The following DNAH11 variants were observed in gnomAD, a reference collection of about 807,000 sequenced individuals.
The protein encoded by DNAH11 is axonemal beta dynein heavy chain 11.
Under a neutral mutation model 526.0 loss-of-function variants are expected in DNAH11, and 442 were observed. The ratio of observed to expected loss-of-function variants is 0.84; its 90% CI spans 0.78 to 0.91. DNAH11 has a LOEUF of 0.91. Among genes scored for constraint, DNAH11 ranks in the 40% least tolerant of loss-of-function variants. The probability of loss-of-function intolerance (pLI) is 0.00; values close to 1 mark genes in which losing one functional copy is unlikely to be tolerated. For missense variants in DNAH11, 6,989 were observed against 5,448.7 expected (o/e 1.28, Z -8.90); for synonymous variants, 2,461 against 1,935.9 (o/e 1.27, Z -7.12).
At chr7:21,846,787 C>A (rs1299557466) in intron 66 of DNAH11, among the ~76,000 whole-genome samples, 1 of 152,096 alleles carries the variant, frequency 6.6e-6, no homozygotes, top group Non-Finnish European at 1.5e-5. Flanking sequence ...AGAATTGATA[C>A]TATTTCTCCC....
rs539706517 is a variant in DNAH11 at position 21,868,388 on chromosome 7, C to T, written c.11839+381C>T. Among the ~76,000 whole-genome samples the T allele has an allele frequency of 1.1e-4, 16 of 152,262 alleles. No individual in the cohort carries two copies. In the East Asian group the frequency reaches 2.7e-3, roughly 26 times the overall value. On this transcript the variant is annotated intron_variant, in intron 72 of 81. Transcript: ENST00000409508. ...TTGTGTTCTGGATTACCATTCCCCA[C>T]GGCCTGCACCAAGAATACCAGGTTA...
chr7:21,656,131 T>G (rs1301024187), intron 29 of DNAH11, 150 bp downstream of exon 29: 1 of 866,142 alleles, frequency 1.2e-6, no homozygotes, highest in Non-Finnish European at 1.6e-6. Flanking sequence ...CTGTATCCAC[T>G]GTGACAGAGG....
intron 61 of DNAH11, among the ~76,000 whole-genome samples, chr7:21,796,245 C>T (rs1380954061): frequency 6.6e-6 from 1 of 152,188 alleles, no homozygotes; most frequent in Non-Finnish European, 1.5e-5. Context: ...AACGTAGATT[C>T]AGTGGGCCCT....
At chr7:21,584,858 A>G (rs997608293) in intron 9 of DNAH11, among the ~76,000 whole-genome samples, 3 of 152,058 alleles carry the variant, frequency 2.0e-5, no homozygotes, top group Admixed American at 6.6e-5. Flanking sequence ...CCTTTATAAC[A>G]GAATTCAAGT....
chr7:21,824,993 T>C (rs1024558305), intron 65 of DNAH11, among the ~76,000 whole-genome samples: 2 of 152,124 alleles, frequency 1.3e-5, no homozygotes, highest in Non-Finnish European at 2.9e-5. Flanking sequence ...TGCCTCAGCC[T>C]CCCGAGTAGC....
At chr7:21,628,554 G>A (rs992495658) in intron 25 of DNAH11, among the ~76,000 whole-genome samples, 2 of 151,988 alleles carry the variant, frequency 1.3e-5, no homozygotes, top group African/African-American at 4.8e-5. Flanking sequence ...TAATCATATG[G>A]TTTTTCTTCT....
chr7:21,744,406 T>C (rs536299412), intron 49 of DNAH11, 32 bp from the exon 50 acceptor site: 2 of 1,606,106 alleles, frequency 1.2e-6, no homozygotes, highest in East Asian at 2.2e-5. Context: ...AGCCTCTGAA[T>C]TAAAGGTATT....
At chr7:21,564,062 G>C in intron 5 of DNAH11, 124 bp from the exon 6 acceptor site, 1 of 603,904 alleles carries the variant, frequency 1.7e-6, no homozygotes. Context: ...AATATAAAAG[G>C]AACTATGACA....
At chr7:21,872,472 T>C (rs1323826161) in intron 73 of DNAH11, among the ~76,000 whole-genome samples, 1 of 152,160 alleles carries the variant, frequency 6.6e-6, no homozygotes, top group Non-Finnish European at 1.5e-5. Flanking sequence ...TGGAAATAAT[T>C]ATATATATCT....
At chr7:21,767,461 TCTG>T (rs1336148134) in intron 55 of DNAH11, among the ~76,000 whole-genome samples, 2 of 152,192 alleles carry the variant, frequency 1.3e-5, no homozygotes, top group Non-Finnish European at 2.9e-5. Context: ...ACCGTTGACA[TCTG>T]CTGGATGAGG....
At chr7:21,723,252 A>G (rs140780843) in intron 44 of DNAH11, among the ~76,000 whole-genome samples, 5 of 152,324 alleles carry the variant, frequency 3.3e-5, no homozygotes, top group East Asian at 3.9e-4. Context: ...TTCAAAAACT[A>G]TAAAACTCTA....
At chr7:21,543,767 C>G in intron 1 of DNAH11, 171 bp downstream of exon 1, 1 of 659,280 alleles carries the variant, frequency 1.5e-6, no homozygotes, top group East Asian at 2.8e-5. Flanking sequence ...TGCACCCACT[C>G]TGCAGTTCAG....
Position 21,790,314 on chromosome 7 carries a change from A to G in DNAH11, c.10026+972A>G, listed in dbSNP as rs185659844. ...ACAAAAAGAAATTTAGCCGGGCGTCATGGCGGGTGACTGTAGTCCCAGCTA... is the reference window on the plus strand; with the variant it reads ...ACAAAAAGAAATTTAGCCGGGCGTCGTGGCGGGTGACTGTAGTCCCAGCTA... On this transcript the variant is annotated intron_variant, in intron 61 of 81. Coordinates refer to ENST00000409508, the MANE Select transcript of DNAH11 (RefSeq NM_001277115.2). 2.2e-3 allele frequency among the ~76,000 whole-genome samples: 332 copies of G among 152,072 alleles called. 1 individual carries two copies. The highest frequency in any genetic ancestry group is 7.5e-3 in the African/African-American group (310 of 41,518).
At chr7:21,710,284 G>A (rs1479774981) in intron 40 of DNAH11, among the ~76,000 whole-genome samples, 1 of 152,156 alleles carries the variant, frequency 6.6e-6, no homozygotes, top group African/African-American at 2.4e-5. Context: ...CCCCACAACT[G>A]TTCATGAAGG....
intron 62 of DNAH11, among the ~76,000 whole-genome samples, chr7:21,802,801 C>T (rs1204284844): frequency 2.6e-5 from 4 of 151,806 alleles, no homozygotes; most frequent in Non-Finnish European, 5.9e-5. Context: ...AATTTATAGA[C>T]GCAAAATAGA....
intron 9 of DNAH11, among the ~76,000 whole-genome samples, chr7:21,583,076 G>GA (rs1419304251): frequency 2.6e-5 from 4 of 152,096 alleles, no homozygotes. Context: ...CACAGAATTA[G>GA]AAAAAACTAC....
At chr7:21,682,396 G>A (rs527935907) in intron 31 of DNAH11, among the ~76,000 whole-genome samples, 18 of 151,706 alleles carry the variant, frequency 1.2e-4, no homozygotes, top group Non-Finnish European at 1.5e-4. Context: ...TGTGGTGGTG[G>A]GTGCCTGTAG....
chr7:21,594,909 A>G (rs1784811835), intron 14 of DNAH11, among the ~76,000 whole-genome samples: 1 of 152,056 alleles, frequency 6.6e-6, no homozygotes, highest in Non-Finnish European at 1.5e-5. Flanking sequence ...TGAGATTTTG[A>G]GAAGGGGAGT....
chr7:21,631,894 G>T (rs558918696), intron 25 of DNAH11, among the ~76,000 whole-genome samples: 1 of 152,170 alleles, frequency 6.6e-6, no homozygotes, highest in African/African-American at 2.4e-5. Flanking sequence ...GACTTTGTGT[G>T]GGGGCTCTGA....
Sources: allele counts gnomAD v4.1 joint callset (sites outside exome capture counted in the v4.1 genomes callset), GRCh38; gene constraint gnomAD v4.1.1; transcripts MANE v1.5; gene names NCBI Gene and HGNC (gene_info 2026-07-23, HGNC 2026-07-21).